The following ETV5 variants were observed in gnomAD, a reference collection of about 807,000 sequenced individuals.
ETV5 encodes ETS variant transcription factor 5, also known as ETS translocation variant 5.
ETV5 carries 10 observed loss-of-function variants against 70.0 expected under a neutral mutation model. That is an observed-to-expected ratio of 0.14 (90% CI 0.09 to 0.24). The LOEUF (loss-of-function observed/expected upper bound fraction) is 0.24, where lower values mean the gene tolerates loss of function less well. ETV5 is among the 10% of genes least tolerant of loss of function. The pLI, the probability that ETV5 is intolerant of heterozygous loss-of-function variation, is 1.00. For missense variants in ETV5, 453 were observed against 651.2 expected, an observed-to-expected ratio of 0.70 and a Z score of 3.31; for synonymous variants, 216 against 242.2, an observed-to-expected ratio of 0.89 and a Z score of 1.01.
Position 186,080,085 on chromosome 3 carries a change from G to A in ETV5, c.382C>T (p.Pro128Ser), listed in dbSNP as rs1473039511. ...GGGGTTAATGGCTTGAACCCAGAGGGAGGCTTCCTATCATAGGCACTGTAA... is the reference window on the plus strand; with the variant it reads ...GGGGTTAATGGCTTGAACCCAGAGGAAGGCTTCCTATCATAGGCACTGTAA... ...YNYCAYDRKP[P>S]SGFKPLTPPT... is the part of the protein sequence containing the mutation. Residue 128 changes from proline (P) to serine (S), a missense_variant, in exon 7 of 13, where the codon CCC becomes TCC. Around this residue, in one of 4 missense-constraint regions of ETV5, gnomAD observed 307 missense variants for 344.9 expected, o/e 0.89. Transcript: ENST00000306376. 1.3e-6 allele frequency: 2 copies of A among 1,498,464 alleles called. No individual in the cohort carries two copies. The highest frequency in any genetic ancestry group is 1.8e-6 in the Non-Finnish European group (2 of 1,131,834). The allele number at this position is 1,498,464 out of a possible 1,614,324, so 92.8% of individuals were successfully genotyped here. A position where few individuals can be genotyped will look rare whatever the true frequency, so the allele number is the denominator to read the frequency against.
intron 5 of ETV5, among the ~76,000 whole-genome samples, chr3:186,092,065 G>C (rs1714194875): frequency 6.6e-6 from 1 of 152,316 alleles, no homozygotes; most frequent in East Asian, 1.9e-4. Flanking sequence ...AATTTTGTTG[G>C]TGAGTGCCAT....
intron 12 of ETV5, among the ~76,000 whole-genome samples, chr3:186,051,443 T>C (rs576834454): frequency 2.0e-5 from 3 of 152,222 alleles, no homozygotes; most frequent in Non-Finnish European, 2.9e-5. Context: ...ACGAAGAATT[T>C]TGTACTGATT....
At chr3:186,061,270 C>G in intron 9 of ETV5, among the ~76,000 whole-genome samples, 1 of 152,192 alleles carries the variant, frequency 6.6e-6, no homozygotes, top group East Asian at 1.9e-4. Flanking sequence ...CTGGGTCCCA[C>G]CCCAGAATTT....
At chr3:186,104,864 C>G (rs925255349) in intron 5 of ETV5, 1 of 154,016 alleles carries the variant, frequency 6.5e-6, no homozygotes, top group Non-Finnish European at 1.4e-5. Context: ...GCCTCAGCCT[C>G]CTGAGTAGCT....
At chr3:186,064,609 C>T in intron 8 of ETV5, 133 bp from the exon 9 acceptor site, 1 of 869,842 alleles carries the variant, frequency 1.1e-6, no homozygotes, top group Non-Finnish European at 1.9e-6. Flanking sequence ...TGGCTTTGTC[C>T]TGGGAAAGAG....
At chr3:186,067,789 GA>G (rs1286591667) in intron 7 of ETV5, among the ~76,000 whole-genome samples, 1 of 151,970 alleles carries the variant, frequency 6.6e-6, no homozygotes, top group Non-Finnish European at 1.5e-5. Flanking sequence ...AAAACCAAAA[GA>G]AACACATCAA....
Position 186,057,609 on chromosome 3 carries a change from G to C in ETV5, c.971-118C>G, listed in dbSNP as rs1014919233. On this transcript the variant is annotated intron_variant, in intron 9 of 12. Transcript: ENST00000306376. This position sits in a 1 kb window ranked among gnomAD's most constrained non-coding sequence, Gnocchi z 4.9. ...ATTTCAGATCCTAAGTCCTACTGCT[G>C]TATCTATGGCAGACTGAATTTTCAG... The C allele has an allele frequency of 1.1e-6, 1 of 875,970 alleles. No individual in the cohort carries two copies. The highest frequency in any genetic ancestry group is 1.9e-6 in the Non-Finnish European group (1 of 528,370). 54.3% of individuals were successfully genotyped at this position (875,970 alleles called of 1,614,324 possible).
At chr3:186,090,100 T>G (rs76719708) in intron 5 of ETV5, among the ~76,000 whole-genome samples, 2 of 151,870 alleles carry the variant, frequency 1.3e-5, no homozygotes, top group African/African-American at 4.9e-5. Context: ...CTCTGAGATA[T>G]TTGGAGGAAA....
At chr3:186,094,487 G>A (rs1714257883) in intron 5 of ETV5, among the ~76,000 whole-genome samples, 1 of 152,106 alleles carries the variant, frequency 6.6e-6, no homozygotes, top group African/African-American at 2.4e-5. Flanking sequence ...CTTCCTTTAA[G>A]TTCATATTCT....
chr3:186,078,044 T>A, intron 7 of ETV5: 1 of 1,057,102 alleles, frequency 9.5e-7, no homozygotes, highest in Non-Finnish European at 1.1e-6. Context: ...GGCAAATAAC[T>A]CATCAATCCC....
chr3:186,071,993 T>C (rs934033919), intron 7 of ETV5, among the ~76,000 whole-genome samples: 1 of 147,912 alleles, frequency 6.8e-6, no homozygotes, highest in Non-Finnish European at 1.5e-5. Context: ...AGAGACAGGG[T>C]TTCACCACGT....
intron 5 of ETV5, among the ~76,000 whole-genome samples, chr3:186,103,128 A>T (rs1057274510): frequency 6.6e-6 from 1 of 152,228 alleles, no homozygotes; most frequent in African/African-American, 2.4e-5. Flanking sequence ...AAAGACAGAA[A>T]GGCTCAACCT....
At chr3:186,093,136 A>AC (rs1714222104) in intron 5 of ETV5, among the ~76,000 whole-genome samples, 2 of 152,102 alleles carry the variant, frequency 1.3e-5, no homozygotes, top group South Asian at 4.1e-4. Context: ...AGCTTAGGGG[A>AC]CCCCCAGGTT....
At chr3:186,078,838 T>C (rs1469891910) in intron 7 of ETV5, among the ~76,000 whole-genome samples, 1 of 151,978 alleles carries the variant, frequency 6.6e-6, no homozygotes, top group Non-Finnish European at 1.5e-5. Flanking sequence ...GGGAAGGGGA[T>C]CAGAACCAGA....
intron 5 of ETV5, among the ~76,000 whole-genome samples, chr3:186,091,239 A>G (rs1714176094): frequency 6.6e-6 from 1 of 152,218 alleles, no homozygotes; most frequent in Admixed American, 6.5e-5. Flanking sequence ...AGGTACAGGG[A>G]AAGAAGCTTC....
Position 186,105,345 on chromosome 3 carries a change from A to G in ETV5, c.192T>C (p.Pro64=), listed in dbSNP as rs993416501. ...QEAWLAEAQV[P]DDEQFVPDFQ... ...AATCTGGGACAAACTGTTCATCATC[A>G]GGAACTTGTGCTGGAAAATAGATTT... Residue 64 remains proline, a synonymous_variant, in exon 5 of 13, where the codon CCT becomes CCC. Coordinates refer to ENST00000306376, the MANE Select transcript of ETV5 (RefSeq NM_004454.3). This position sits in a 1 kb window ranked among gnomAD's most constrained non-coding sequence, Gnocchi z 4.5. 1 of 1,613,432 alleles carries G rather than the reference A, an allele frequency of 6.2e-7. No individual in the cohort carries two copies. The highest frequency in any genetic ancestry group is 1.3e-5 in the African/African-American group (1 of 74,898).
Position 186,052,362 on chromosome 3 carries a change from T to G in ETV5, c.1210-231A>C, listed in dbSNP as rs774210984. Among the ~76,000 whole-genome samples the G allele has an allele frequency of 1.7e-4, 26 of 152,172 alleles. No homozygotes were observed. Among genetic ancestry groups the G allele is most frequent in the Non-Finnish European group, 3.5e-4 (24 of 68,036 alleles). Reference sequence around the variant, plus strand: ...CTAGAGATGGAAGAATCCTAGCACTTTAAGATTGCAGAGGGCTTGGCTAAC... The same window carrying G: ...CTAGAGATGGAAGAATCCTAGCACTGTAAGATTGCAGAGGGCTTGGCTAAC... On this transcript the variant is annotated intron_variant, in intron 11 of 12. Coordinates refer to ENST00000306376, the MANE Select transcript of ETV5 (RefSeq NM_004454.3). This position sits in a 1 kb window ranked among gnomAD's most constrained non-coding sequence, Gnocchi z 4.5.
Position 186,054,364 on chromosome 3 carries a change from G to A in ETV5, c.1210-2233C>T, listed in dbSNP as rs1046587585. Reference sequence around the variant, plus strand: ...CCTTCTCCCCTTTAAAGAGAGAGCAGCCACAGCCCAGGGAGTGGCTCTTTC... The same window carrying A: ...CCTTCTCCCCTTTAAAGAGAGAGCAACCACAGCCCAGGGAGTGGCTCTTTC... On this transcript the variant is annotated intron_variant, in intron 11 of 12. Transcript: ENST00000306376. The surrounding 1 kb of genome is among the most constrained non-coding windows in gnomAD (Gnocchi z 4.4). Among the ~76,000 whole-genome samples the A allele has an allele frequency of 6.6e-6, 1 of 152,192 alleles. No homozygotes were observed. Among genetic ancestry groups the A allele is most frequent in the African/African-American group, 2.4e-5 (1 of 41,446 alleles).
chr3:186,069,383 A>G (rs115204628), intron 7 of ETV5, among the ~76,000 whole-genome samples: 117 of 152,330 alleles, frequency 7.7e-4, no homozygotes, highest in African/African-American at 2.8e-3. Context: ...AAACCTTTCA[A>G]TGGTCTTTGA....
Sources: gnomAD v4.1 joint callset for allele counts (sites outside exome capture counted in the v4.1 genomes callset) on GRCh38, gnomAD v4.1.1 for gene constraint, gnomAD v4.1.1 regional missense constraint, Gnocchi (gnomAD v3.1) non-coding constraint, MANE v1.5 for transcripts, NCBI Gene and HGNC (gene_info 2026-07-23, HGNC 2026-07-21) for gene names.